Variants in FRMD6 observed in about 807,000 individuals in gnomAD.
FRMD6 encodes FERM domain containing 6, also known as FERM domain-containing protein 6.
In FRMD6, 37 loss-of-function variants were observed where a neutral mutation model predicts 73.2. The observed-to-expected ratio is 0.51, with a 90% confidence interval of 0.39 to 0.66. FRMD6 has a LOEUF of 0.66. FRMD6 is among the 30% of genes least tolerant of loss of function. The probability of loss-of-function intolerance (pLI) is 0.00; values close to 1 mark genes in which losing one functional copy is unlikely to be tolerated. For missense variants in FRMD6, 714 were observed against 780.5 expected (o/e 0.91, Z 1.02); for synonymous variants, 273 against 282.2 (o/e 0.97, Z 0.33).
chr14:51,472,726 C>A, the FRMD6 span, among the ~76,000 whole-genome samples: 1 of 152,216 alleles, frequency 6.6e-6, no homozygotes, highest in Admixed American at 6.5e-5. Flanking sequence ...AGCTGAAGCA[C>A]CCTGTCAAAA....
chr14:51,529,180 G>T (rs1885438308), intron 1 of FRMD6, among the ~76,000 whole-genome samples: 1 of 152,230 alleles, frequency 6.6e-6, no homozygotes, highest in Admixed American at 6.5e-5. Context: ...ACTTTATAGT[G>T]TCTGAAAGCA....
At chr14:51,664,144 A>C (rs1893413682) in intron 1 of FRMD6, among the ~76,000 whole-genome samples, 1 of 152,238 alleles carries the variant, frequency 6.6e-6, no homozygotes, top group Admixed American at 6.5e-5. Flanking sequence ...TGACTAGGCC[A>C]CACAGCATAG....
At chr14:51,665,730 T>C (rs931479291) in intron 1 of FRMD6, among the ~76,000 whole-genome samples, 2 of 152,222 alleles carry the variant, frequency 1.3e-5, no homozygotes, top group South Asian at 2.1e-4. Flanking sequence ...AGAATTCCCA[T>C]GTGTTGTGGA....
At chr14:51,726,518 C>T (rs1226946824) in intron 13 of FRMD6, among the ~76,000 whole-genome samples, 1 of 152,060 alleles carries the variant, frequency 6.6e-6, no homozygotes, top group East Asian at 1.9e-4. Context: ...TCTCCTTGTC[C>T]CTACTTTTCT....
chr14:51,687,881 G>A (rs1895277569), intron 1 of FRMD6, among the ~76,000 whole-genome samples: 1 of 151,904 alleles, frequency 6.6e-6, no homozygotes, highest in Non-Finnish European at 1.5e-5. Context: ...TTTTTCCAAT[G>A]TATTATATTC....
intron 12 of FRMD6, chr14:51,724,012 A>G (rs944482624): frequency 3.9e-5 from 6 of 152,164 alleles, no homozygotes; most frequent in Non-Finnish European, 7.4e-5. Flanking sequence ...ATAGATATAG[A>G]TGATTTTATT....
intron 2 of FRMD6, among the ~76,000 whole-genome samples, chr14:51,580,791 T>C (rs1360643639): frequency 6.6e-6 from 1 of 152,220 alleles, no homozygotes; most frequent in Admixed American, 6.5e-5. Flanking sequence ...CAGCAATTTA[T>C]CAATTTGTAA....
chr14:51,479,313 T>C, the FRMD6 span, among the ~76,000 whole-genome samples: 1 of 152,300 alleles, frequency 6.6e-6, no homozygotes, highest in East Asian at 1.9e-4. Flanking sequence ...AGGGTAGAAA[T>C]TTTACCCTCC....
the FRMD6 span, among the ~76,000 whole-genome samples, chr14:51,451,396 T>C: frequency 3.4e-4 from 52 of 152,322 alleles, no homozygotes; most frequent in African/African-American, 1.2e-3. Context: ...ATATGTATGA[T>C]AGAGTCTTGG....
In FRMD6 at chr14:51,564,304, C is replaced by T. The variant is rs75386169; in HGVS notation, c.-209-6044C>T. 9.7e-3 allele frequency among the ~76,000 whole-genome samples: 1,483 copies of T among 152,210 alleles called. 10 individuals carry two copies. Among genetic ancestry groups the T allele is most frequent in the Admixed American group, 0.026 (398 of 15,294 alleles). On this transcript the variant is annotated intron_variant, in intron 1 of 14. Coordinates refer to the FRMD6 transcript ENST00000356218. ...GTGTTGCTGTCTTTGATCTCTGAGG[C>T]GGTATGTGATTTAAGTTTGCCTCAG... is the stretch of plus-strand genomic sequence containing the variant.
chr14:51,528,662 A>G (rs2140322411), intron 1 of FRMD6, among the ~76,000 whole-genome samples: 1 of 151,186 alleles, frequency 6.6e-6, no homozygotes, highest in Non-Finnish European at 1.5e-5. Context: ...TGTTTGCTCA[A>G]AAAAAAAAGT....
chr14:51,499,003 C>T (rs1448177078), intron 1 of FRMD6, among the ~76,000 whole-genome samples: 2 of 152,184 alleles, frequency 1.3e-5, no homozygotes, highest in African/African-American at 4.8e-5. Flanking sequence ...TGGAAAGATT[C>T]CACCCATGCT....
At chr14:51,599,373 A>G (rs1361059685) in intron 2 of FRMD6, among the ~76,000 whole-genome samples, 2 of 152,154 alleles carry the variant, frequency 1.3e-5, no homozygotes, top group Non-Finnish European at 2.9e-5. Context: ...ACATAAGGCC[A>G]CAAAGTATAA....
chr14:51,728,270 C>T lies in FRMD6; in HGVS notation c.*241C>T. The T allele has an allele frequency of 4.2e-6, 2 of 480,676 alleles. No homozygotes were observed. The highest frequency in any genetic ancestry group is 6.5e-5 in the East Asian group (2 of 30,770). 29.8% of individuals were successfully genotyped at this position (480,676 alleles called of 1,614,324 possible). On this transcript the variant is annotated 3_prime_UTR_variant, in exon 14 of 14. Transcript: ENST00000344768. ...AGTGCCCGGAAGTTCACTGATCCTT[C>T]AGAAGGAAATGCGCTTTACTGATTG...
the FRMD6 span, among the ~76,000 whole-genome samples, chr14:51,478,697 G>A: frequency 1.3e-5 from 2 of 152,090 alleles, no homozygotes; most frequent in Non-Finnish European, 2.9e-5. Flanking sequence ...AAATACTATT[G>A]CAGGAAAGAG....
chr14:51,585,960 T>TATATATATATAAATAA (rs369811499), intron 2 of FRMD6, among the ~76,000 whole-genome samples: 3 of 91,290 alleles, frequency 3.3e-5, no homozygotes, highest in Non-Finnish European at 7.0e-5. Flanking sequence ...TATATATATA[T>TATATATATATAAATAA]AACATTTTCT....
chr14:51,695,348 C>G (rs1895871789), intron 2 of FRMD6, among the ~76,000 whole-genome samples: 1 of 152,138 alleles, frequency 6.6e-6, no homozygotes, highest in South Asian at 2.1e-4. Flanking sequence ...TAATGGAACT[C>G]AAAATCCAGA....
the FRMD6 span, among the ~76,000 whole-genome samples, chr14:51,401,336 G>C: frequency 1.2e-4 from 18 of 152,236 alleles, no homozygotes; most frequent in African/African-American, 4.3e-4. Context: ...TTAGGATGTG[G>C]CTAGGAAAAA....
the FRMD6 span, among the ~76,000 whole-genome samples, chr14:51,397,621 GGTT>G: frequency 6.6e-6 from 1 of 152,102 alleles, no homozygotes; most frequent in Non-Finnish European, 1.5e-5. Context: ...TTAATAAATT[GGTT>G]GTGTTTGATA....
Sources: gnomAD v4.1 joint callset for allele counts (sites outside exome capture counted in the v4.1 genomes callset) on GRCh38, gnomAD v4.1.1 for gene constraint, MANE v1.5 for transcripts, NCBI Gene and HGNC (gene_info 2026-07-23, HGNC 2026-07-21) for gene names.